The following HMCN1 variants were observed in gnomAD, a reference collection of about 807,000 sequenced individuals.
HMCN1 encodes the protein hemicentin 1.
HMCN1 carries 321 observed loss-of-function variants against 625.9 expected under a neutral mutation model. That is an observed-to-expected ratio of 0.51 (90% CI 0.47 to 0.56). HMCN1 has a LOEUF of 0.56. Ranked by LOEUF, HMCN1 falls within the 20% of genes least tolerant of loss-of-function variation. HMCN1 has a pLI of 0.00. For synonymous variants in HMCN1, 2,425 were observed against 2,417.6 expected (o/e 1.00, Z -0.09); for missense variants, 6,588 against 6,887.3 (o/e 0.96, Z 1.54).
intron 6 of HMCN1, among the ~76,000 whole-genome samples, chr1:185,916,077 T>G (rs1666685180): frequency 6.6e-6 from 1 of 151,982 alleles, no homozygotes; most frequent in Admixed American, 6.6e-5. Flanking sequence ...TATGTGTGTG[T>G]GTGTGTGTGT....
intron 1 of HMCN1, among the ~76,000 whole-genome samples, chr1:185,817,422 G>A (rs1191588082): frequency 1.3e-5 from 2 of 152,116 alleles, no homozygotes; most frequent in Non-Finnish European, 2.9e-5. Flanking sequence ...ATAGCAATAA[G>A]CAGAAAGATT....
intron 91 of HMCN1, 28 bp downstream of exon 91, chr1:186,144,731 T>G: frequency 6.2e-7 from 1 of 1,611,526 alleles, no homozygotes; most frequent in African/African-American, 1.3e-5. Context: ...TGAGTCAACA[T>G]TATACTTTCA....
intron 15 of HMCN1, among the ~76,000 whole-genome samples, chr1:185,972,592 A>G (rs1650907984): frequency 6.6e-6 from 1 of 152,158 alleles, no homozygotes; most frequent in Admixed American, 6.6e-5. Context: ...AAGCCAAATT[A>G]TTTGTTTATT....
chr1:185,981,906 A>T (rs1328665360), intron 17 of HMCN1, among the ~76,000 whole-genome samples: 1 of 152,142 alleles, frequency 6.6e-6, no homozygotes, highest in Non-Finnish European at 1.5e-5. Context: ...TTCCCCAGAA[A>T]ATGATCCTGA....
chr1:185,965,895 C>G lies in HMCN1; in HGVS notation c.2192C>G (p.Pro731Arg). The G allele has an allele frequency of 2.5e-6, 4 of 1,591,566 alleles. No individual in the cohort carries two copies. The highest frequency in any genetic ancestry group is 3.4e-6 in the Non-Finnish European group (4 of 1,159,728). Residue 731 changes from proline (P) to arginine (R), a missense_variant, in exon 14 of 107, where the codon CCT becomes CGT. Pro to Arg is a moderately radical substitution (Grantham distance 103). This residue lies in a region of HMCN1 where 4,628 missense variants were observed against 4,853.1 expected (regional missense o/e 0.95). Coordinates refer to ENST00000271588, the MANE Select transcript of HMCN1 (RefSeq NM_031935.3). ...MECKTSGIPP[P>R]QVKWFKGDLE... Reference sequence around the variant, plus strand: ...TGCAAAACCTCTGGTATTCCTCCACCTCAAGTTAAATGGTTCAAAGGTACA... The same window carrying G: ...TGCAAAACCTCTGGTATTCCTCCACGTCAAGTTAAATGGTTCAAAGGTACA...
chr1:186,171,364 CCT>C lies in HMCN1; in HGVS notation c.15603_15604del (p.Cys5202SerfsTer16). 2 of 1,613,344 alleles carry C rather than the reference CCT, an allele frequency of 1.2e-6. No homozygotes were observed. The highest frequency in any genetic ancestry group is 2.2e-5 in the East Asian group (1 of 44,850). ...ATTAATGAATGTCAAGAATCCAGCC[CCT>C]GTCACCAGCGCTGTTTCAATGCCAT... On this transcript the variant is annotated frameshift_variant, in exon 101 of 107. Transcript: ENST00000271588. LOFTEE classifies it high-confidence loss of function.
intron 41 of HMCN1, among the ~76,000 whole-genome samples, chr1:186,046,892 A>C (rs1412505772): frequency 6.6e-6 from 1 of 152,196 alleles, no homozygotes; most frequent in Non-Finnish European, 1.5e-5. Flanking sequence ...ATAATAACCC[A>C]ACAGAGAAAT....
chr1:185,801,878 A>G lies in HMCN1; in HGVS notation c.269-44148A>G, dbSNP rs182617619. On this transcript the variant is annotated intron_variant, in intron 1 of 106. Transcript: ENST00000271588. The stretch of plus-strand genomic sequence containing the variant: ...TGCTTAGGAGTTTCAGTTGCATCCT[A>G]TGAGCGATAGAAAGTCATTGGAAGG... Among the ~76,000 whole-genome samples the G allele has an allele frequency of 7.2e-5, 11 of 152,324 alleles. No homozygotes were observed. In the East Asian group the frequency reaches 1.4e-3, roughly 19 times the overall value.
At chr1:185,834,277 G>A (rs183975596) in intron 1 of HMCN1, among the ~76,000 whole-genome samples, 1 of 152,312 alleles carries the variant, frequency 6.6e-6, no homozygotes, top group African/African-American at 2.4e-5. Flanking sequence ...TGGGCCAGGA[G>A]CCCTAGCACT....
At chr1:185,837,914 A>G (rs1661266540) in intron 1 of HMCN1, among the ~76,000 whole-genome samples, 1 of 152,174 alleles carries the variant, frequency 6.6e-6, no homozygotes, top group South Asian at 2.1e-4. Context: ...ATGCTCTGAT[A>G]TTTGCATTTT....
chr1:186,166,039 T>A, intron 98 of HMCN1, 145 bp from the exon 99 acceptor site: 1 of 780,836 alleles, frequency 1.3e-6, no homozygotes, highest in Non-Finnish European at 2.1e-6. Flanking sequence ...ATTCAGTGAA[T>A]TCATTTTGTG....
chr1:186,080,862 C>T (rs1193186724), intron 55 of HMCN1, among the ~76,000 whole-genome samples: 2 of 152,070 alleles, frequency 1.3e-5, no homozygotes, highest in Non-Finnish European at 2.9e-5. Context: ...TATACAGATG[C>T]TTCTTATATG....
At position 185,969,290 on chromosome 1, in the gene HMCN1, T is replaced by C. The variant is rs368074766; in HGVS notation, c.2213-1045T>C. ...TGTAGTAGCGAGTTTAAAAGCATGATTGAGGTTTTAAATATTGGAATGCTG... is the reference window on the plus strand; with the variant it reads ...TGTAGTAGCGAGTTTAAAAGCATGACTGAGGTTTTAAATATTGGAATGCTG... On this transcript the variant is annotated intron_variant, in intron 14 of 106. Transcript: ENST00000271588. Among the ~76,000 whole-genome samples, 6 of 152,210 alleles carry C rather than the reference T, an allele frequency of 3.9e-5. 1 individual carries two copies. The East Asian group carries it at 5.8e-4, about 15-fold the overall frequency.
At chr1:185,738,523 C>T (rs1229497797) in intron 1 of HMCN1, among the ~76,000 whole-genome samples, 1 of 152,120 alleles carries the variant, frequency 6.6e-6, no homozygotes, top group Non-Finnish European at 1.5e-5. Flanking sequence ...AATAATATTC[C>T]ATTGTATGAT....
chr1:185,986,818 C>T (rs1482439661), intron 19 of HMCN1, among the ~76,000 whole-genome samples: 1 of 140,774 alleles, frequency 7.1e-6, no homozygotes, highest in Non-Finnish European at 1.5e-5. Context: ...CACAGCAAGA[C>T]CCTGTCTCAA....
intron 91 of HMCN1, among the ~76,000 whole-genome samples, chr1:186,144,934 T>A (rs1650218905): frequency 6.6e-6 from 1 of 152,192 alleles, no homozygotes; most frequent in South Asian, 2.1e-4. Context: ...CCCCAGAGTA[T>A]AAGAATGAGA....
Position 185,989,655 on chromosome 1 carries a change from C to G in HMCN1, c.3208+8C>G. 1 of 1,613,636 alleles carries G rather than the reference C, an allele frequency of 6.2e-7. No individual in the cohort carries two copies. The highest frequency in any genetic ancestry group is 8.5e-7 in the Non-Finnish European group (1 of 1,179,710). On this transcript the variant is annotated splice_region_variant and intron_variant, in intron 21 of 106. Transcript: ENST00000271588. ...TGCAGCTAACAGTCTATGGTGAGAG[C>G]TGGTGGAGGAATGGTTTTTATTGAC...
chr1:186,040,645 C>T (rs1354600537), intron 39 of HMCN1, among the ~76,000 whole-genome samples: 6 of 152,008 alleles, frequency 3.9e-5, no homozygotes, highest in Non-Finnish European at 8.8e-5. Flanking sequence ...TTAATTTTAG[C>T]GTCTTACCTT....
chr1:185,815,858 ATTTG>A lies in HMCN1; in HGVS notation c.269-30164_269-30161del, dbSNP rs1484361009. On this transcript the variant is annotated intron_variant, in intron 1 of 106. Transcript: ENST00000271588. ...TACTATATTGCTGAGCATCAATTTG[ATTTG>A]TTTCTTATTATAATTTAAAATACTG... Among the ~76,000 whole-genome samples the A allele has an allele frequency of 4.0e-5, 6 of 149,976 alleles. No individual in the cohort carries two copies. The South Asian group carries it at 1.2e-3, about 31-fold the overall frequency.
Sources: allele counts gnomAD v4.1 joint callset (sites outside exome capture counted in the v4.1 genomes callset), GRCh38; gene constraint gnomAD v4.1.1; regional missense constraint gnomAD v4.1.1; transcripts MANE v1.5; gene names NCBI Gene and HGNC (gene_info 2026-07-23, HGNC 2026-07-21).